MYCBP2: variants seen among roughly 807,000 people sequenced by gnomAD.
MYCBP2 encodes E3 ubiquitin-protein ligase MYCBP2.
In MYCBP2, 120 loss-of-function variants were observed where a neutral mutation model predicts 525.3. The ratio of observed to expected loss-of-function variants is 0.23; its 90% confidence interval spans 0.20 to 0.27. The LOEUF (loss-of-function observed/expected upper bound fraction) is 0.27. Ranked by LOEUF, MYCBP2 falls within the 10% of genes least tolerant of loss-of-function variation. The probability of loss-of-function intolerance (pLI) is 1.00; values close to 1 mark genes in which losing one functional copy is unlikely to be tolerated. For synonymous variants in MYCBP2, 1,894 were observed against 1,955.8 expected (o/e 0.97, Z 0.83); for missense variants, 4,149 against 5,657.1 (o/e 0.73, Z 8.55).
chr13:77,270,063 C>T lies in MYCBP2; in HGVS notation c.1189G>A (p.Gly397Ser). ...CGGGATGTAGAATTGTATATATGGC[C>T]CTGCAAAAAAAACAAAAGTTAGTAT... ...IGSGYSGTVR[G>S]HIYNSTSRIR... The change falls in exon 7 of 83, where the codon GGC becomes AGC. Residue 397 changes from glycine to serine, a missense_variant and splice_region_variant. Transcript: ENST00000544440. 1 of 1,595,800 alleles carries T rather than the reference C, an allele frequency of 6.3e-7. No individual in the cohort carries two copies. Among genetic ancestry groups the T allele is most frequent in the Non-Finnish European group, 8.5e-7 (1 of 1,174,622 alleles).
At chr13:77,054,328 A>G (rs1364703583) in intron 80 of MYCBP2, among the ~76,000 whole-genome samples, 4 of 152,172 alleles carry the variant, frequency 2.6e-5, no homozygotes, top group African/African-American at 9.7e-5. Flanking sequence ...GCATCTTGGG[A>G]GATGAGACTG....
chr13:77,253,062 C>T (rs2071503236), intron 14 of MYCBP2, among the ~76,000 whole-genome samples: 2 of 151,992 alleles, frequency 1.3e-5, no homozygotes, highest in Non-Finnish European at 2.9e-5. Flanking sequence ...AAAATTTTGA[C>T]ATCAAAATTT....
chr13:77,321,415 A>AC (rs2081595536), intron 1 of MYCBP2, among the ~76,000 whole-genome samples: 1 of 152,238 alleles, frequency 6.6e-6, no homozygotes, highest in Admixed American at 6.5e-5. Context: ...ACAAATACAG[A>AC]TGTACACATA....
At chr13:77,237,873 T>C (rs2068169310) in intron 17 of MYCBP2, among the ~76,000 whole-genome samples, 1 of 152,156 alleles carries the variant, frequency 6.6e-6, no homozygotes, top group African/African-American at 2.4e-5. Context: ...GACTTTTATG[T>C]GTCACTGGAA....
At chr13:77,205,126 AAAG>A (rs1217705800) in intron 26 of MYCBP2, 127 bp downstream of exon 26, 19 of 759,422 alleles carry the variant, frequency 2.5e-5, no homozygotes, top group African/African-American at 2.2e-4. Context: ...CGCTTTTTAA[AAAG>A]AAGCATTAAA....
At chr13:77,075,202 G>A (rs563905605) in intron 68 of MYCBP2, among the ~76,000 whole-genome samples, 4 of 152,068 alleles carry the variant, frequency 2.6e-5, no homozygotes, top group South Asian at 2.1e-4. Context: ...AGAGAGACCC[G>A]GTCTCAAGCA....
At chr13:77,151,388 C>G (rs1244647615) in intron 46 of MYCBP2, among the ~76,000 whole-genome samples, 1 of 152,128 alleles carries the variant, frequency 6.6e-6, no homozygotes, top group Non-Finnish European at 1.5e-5. Flanking sequence ...AGAAAATGTA[C>G]TCTATTTATA....
chr13:77,109,695 G>A (rs1330376515), intron 55 of MYCBP2: 1 of 151,760 alleles, frequency 6.6e-6, no homozygotes, highest in Non-Finnish European at 1.5e-5. Context: ...ACTGGAATGA[G>A]TTAGCAGACT....
chr13:77,052,336 T>C (rs2036996371), intron 80 of MYCBP2, among the ~76,000 whole-genome samples: 1 of 152,086 alleles, frequency 6.6e-6, no homozygotes, highest in Non-Finnish European at 1.5e-5. Context: ...GTGGCTAGGA[T>C]CATAGGTGCA....
chr13:77,243,566 T>C lies in MYCBP2; in HGVS notation c.2527+240A>G, dbSNP rs538336795. Among the ~76,000 whole-genome samples, 5 of 151,488 alleles carry C rather than the reference T, an allele frequency of 3.3e-5. No homozygotes were observed. In the East Asian group the frequency reaches 7.8e-4, roughly 23 times the overall value. The stretch of plus-strand genomic sequence containing the variant: ...AGGCGGAGGTTGCAGTGAGCTGAGA[T>C]TGAGCTACTGTACTCCAGCCTTGGC... On this transcript the variant is annotated intron_variant, in intron 16 of 82. Coordinates refer to ENST00000544440, the MANE Select transcript of MYCBP2 (RefSeq NM_015057.5).
At chr13:77,291,152 T>C (rs2077424127) in intron 2 of MYCBP2, among the ~76,000 whole-genome samples, 1 of 152,144 alleles carries the variant, frequency 6.6e-6, no homozygotes, top group Admixed American at 6.5e-5. Context: ...GACAAAAGAC[T>C]TGTATTTAGA....
chr13:77,174,641 T>C (rs2059440415), intron 36 of MYCBP2, 152 bp from the exon 37 acceptor site: 5 of 630,702 alleles, frequency 7.9e-6, no homozygotes, highest in Non-Finnish European at 1.3e-5. Context: ...TCAAACACGA[T>C]GACGGCTAAC....
At chr13:77,169,408 A>C (rs1446044243) in intron 39 of MYCBP2, among the ~76,000 whole-genome samples, 1 of 151,378 alleles carries the variant, frequency 6.6e-6, no homozygotes, top group Admixed American at 6.6e-5. Context: ...AAAAAAAAAA[A>C]AAAAAAAAGC....
rs770735207 is a variant in MYCBP2, at chr13:77,180,323, G to A, written c.4942-5C>T. 49 of 1,612,318 alleles carry A rather than the reference G, an allele frequency of 3.0e-5. No homozygotes were observed. Among genetic ancestry groups the A allele is most frequent in the East Asian group, 1.6e-4 (7 of 44,874 alleles). ...CCCTGAGATATTCTCTTCACTCTGC[G>A]ATACATAAGAAAAAGTTCTAAGGTA... On this transcript the variant is annotated splice_region_variant and splice_polypyrimidine_tract_variant and intron_variant, in intron 33 of 82. Transcript: ENST00000544440.
chr13:77,101,329 C>A (rs944762835), intron 55 of MYCBP2, among the ~76,000 whole-genome samples: 8 of 152,072 alleles, frequency 5.3e-5, no homozygotes, highest in South Asian at 2.1e-4. Flanking sequence ...ATTACCTACT[C>A]CCTGTGTCAG....
chr13:77,211,818 C>T, intron 22 of MYCBP2, 138 bp downstream of exon 22: 1 of 689,600 alleles, frequency 1.5e-6, no homozygotes, highest in Non-Finnish European at 2.4e-6. Context: ...GAGACATTTA[C>T]AGGCTTTGTT....
At chr13:77,298,063 C>T (rs749194357) in intron 1 of MYCBP2, among the ~76,000 whole-genome samples, 2 of 152,156 alleles carry the variant, frequency 1.3e-5, no homozygotes, top group Non-Finnish European at 1.5e-5. Flanking sequence ...CCAAAAGCAC[C>T]GACATCGTTT....
At chr13:77,131,715 G>A (rs534790285) in intron 52 of MYCBP2, among the ~76,000 whole-genome samples, 19 of 151,974 alleles carry the variant, frequency 1.3e-4, no homozygotes, top group Non-Finnish European at 1.8e-4. Flanking sequence ...GTGTATATAC[G>A]AACACACATA....
intron 47 of MYCBP2, among the ~76,000 whole-genome samples, chr13:77,149,180 C>T (rs909867480): frequency 3.9e-5 from 6 of 152,088 alleles, no homozygotes; most frequent in Non-Finnish European, 8.8e-5. Flanking sequence ...TTCAGCCATT[C>T]CCTTAATTAT....
Sources: gnomAD v4.1 joint callset for allele counts (sites outside exome capture counted in the v4.1 genomes callset) on GRCh38, gnomAD v4.1.1 for gene constraint, MANE v1.5 for transcripts, NCBI Gene and HGNC (gene_info 2026-07-23, HGNC 2026-07-21) for gene names.